CTNNA3: variants seen among roughly 807,000 people sequenced by gnomAD.
CTNNA3 encodes the protein catenin alpha-3.
A neutral mutation model predicts 95.7 loss-of-function variants in CTNNA3; 76 were observed. That is an observed-to-expected ratio of 0.79 (90% CI 0.66 to 0.96). The LOEUF is 0.96. CTNNA3 is among the 40% of genes least tolerant of loss of function. The probability of loss-of-function intolerance (pLI) is 0.00; values close to 1 mark genes in which losing one functional copy is unlikely to be tolerated. For missense variants in CTNNA3, 1,191 were observed against 1,089.8 expected, an observed-to-expected ratio of 1.09 and a Z score of -1.31; for synonymous variants, 431 against 374.4, an observed-to-expected ratio of 1.15 and a Z score of -1.74.
At chr10:67,394,736 T>C (rs927453419) in intron 5 of CTNNA3, among the ~76,000 whole-genome samples, 1 of 152,122 alleles carries the variant, frequency 6.6e-6, no homozygotes, top group Non-Finnish European at 1.5e-5. Flanking sequence ...ACTGTAGTTA[T>C]TCAGGTCATT....
chr10:66,443,477 G>C (rs1280497159), intron 11 of CTNNA3, among the ~76,000 whole-genome samples: 4 of 152,068 alleles, frequency 2.6e-5, no homozygotes, highest in Non-Finnish European at 5.9e-5. Context: ...GGAACGATCA[G>C]GCAGCAGCAT....
At chr10:67,414,467 G>A (rs1469363278) in intron 5 of CTNNA3, among the ~76,000 whole-genome samples, 2 of 152,008 alleles carry the variant, frequency 1.3e-5, no homozygotes, top group Admixed American at 6.6e-5. Flanking sequence ...AAAAAGCCCT[G>A]GACCAAGTGA....
intron 12 of CTNNA3, among the ~76,000 whole-genome samples, chr10:66,356,375 G>A (rs759543796): frequency 7.9e-5 from 12 of 151,466 alleles, no homozygotes; most frequent in African/African-American, 1.2e-4. Flanking sequence ...TTTGACTAGC[G>A]TTTTGTAGTT....
chr10:66,359,721 A>G (rs1417066073), intron 12 of CTNNA3, among the ~76,000 whole-genome samples: 1 of 152,032 alleles, frequency 6.6e-6, no homozygotes, highest in Non-Finnish European at 1.5e-5. Flanking sequence ...TTTTGTCTTT[A>G]TTCATTATTT....
At position 67,152,104 on chromosome 10, in the gene CTNNA3, T is replaced by C. The variant is rs187197118; in HGVS notation, c.1047+28213A>G. Among the ~76,000 whole-genome samples, 41 of 152,278 alleles carry C rather than the reference T, an allele frequency of 2.7e-4. No homozygotes were observed. In the East Asian group the frequency reaches 7.2e-3, roughly 27 times the overall value. On this transcript the variant is annotated intron_variant, in intron 7 of 17. Transcript: ENST00000433211. The stretch of plus-strand genomic sequence containing the variant: ...TTTAGCAGAGGAACCTTTTGAAAAG[T>C]GAAATTGTACACCAAACTCTAACAT...
intron 13 of CTNNA3, among the ~76,000 whole-genome samples, chr10:66,217,545 G>T (rs1414741026): frequency 1.3e-5 from 2 of 152,170 alleles, no homozygotes; most frequent in Non-Finnish European, 1.5e-5. Context: ...AGGACATTTT[G>T]ATTGTTTCCA....
At chr10:67,756,756 T>C (rs1841435763) in intron 1 of CTNNA3, among the ~76,000 whole-genome samples, 1 of 152,180 alleles carries the variant, frequency 6.6e-6, no homozygotes, top group Non-Finnish European at 1.5e-5. Context: ...CTCTGGAATA[T>C]ACATTAGTGA....
chr10:66,305,970 C>T (rs1476068838), intron 12 of CTNNA3, among the ~76,000 whole-genome samples: 1 of 152,154 alleles, frequency 6.6e-6, no homozygotes, highest in Non-Finnish European at 1.5e-5. Flanking sequence ...AGTCACATAG[C>T]GGCTTTTCCT....
chr10:65,958,444 G>A (rs562324941), intron 17 of CTNNA3, among the ~76,000 whole-genome samples: 30 of 152,250 alleles, frequency 2.0e-4, no homozygotes, highest in Admixed American at 7.8e-4. Flanking sequence ...GAGGCGCTGC[G>A]TTCCTTTGTA....
intron 15 of CTNNA3, among the ~76,000 whole-genome samples, chr10:65,998,915 C>T (rs779598945): frequency 5.9e-5 from 9 of 151,998 alleles, no homozygotes; most frequent in Non-Finnish European, 1.3e-4. Context: ...CCCTGTAAGC[C>T]AAGAAAGGCC....
chr10:67,051,292 T>C (rs1046211590), intron 7 of CTNNA3, among the ~76,000 whole-genome samples: 3 of 152,184 alleles, frequency 2.0e-5, no homozygotes, highest in Non-Finnish European at 4.4e-5. Flanking sequence ...CTCTTACACC[T>C]AACCTTAAAT....
intron 1 of CTNNA3, among the ~76,000 whole-genome samples, chr10:67,690,877 T>C (rs1840833366): frequency 6.6e-6 from 1 of 152,100 alleles, no homozygotes; most frequent in Non-Finnish European, 1.5e-5. Flanking sequence ...TCCCTCTCCG[T>C]CTCTGTCTCC....
At chr10:66,237,665 G>A (rs2089921236) in intron 13 of CTNNA3, among the ~76,000 whole-genome samples, 1 of 151,940 alleles carries the variant, frequency 6.6e-6, no homozygotes, top group Admixed American at 6.6e-5. Context: ...ACGTAAGACT[G>A]AGTTCCAACC....
At chr10:67,521,080 G>A (rs1839969206) in intron 5 of CTNNA3, among the ~76,000 whole-genome samples, 1 of 152,128 alleles carries the variant, frequency 6.6e-6, no homozygotes. Flanking sequence ...TGTTCTGATC[G>A]GAATAAACCT....
At chr10:66,300,213 A>T (rs373755661) in intron 12 of CTNNA3, among the ~76,000 whole-genome samples, 93 of 152,250 alleles carry the variant, frequency 6.1e-4, no homozygotes, top group African/African-American at 2.1e-3. Context: ...AAAATTTTTT[A>T]AAATCACCAT....
chr10:67,271,166 A>G (rs1838956654), intron 5 of CTNNA3, among the ~76,000 whole-genome samples: 1 of 152,170 alleles, frequency 6.6e-6, no homozygotes, highest in South Asian at 2.1e-4. Context: ...GATGCCTGTC[A>G]ATCTTTCTTT....
rs987263107 is a variant in CTNNA3, at chr10:66,349,737, G to GT, written c.1732+29414dup. On this transcript the variant is annotated intron_variant, in intron 12 of 17. Transcript: ENST00000433211. ...GACATGTGCAGTAACAAGTTTGAGA[G>GT]TTTTTTTTGTACAAGAATAATGTTG... 8.6e-5 allele frequency among the ~76,000 whole-genome samples: 13 copies of GT among 151,912 alleles called. 1 individual carries two copies. The highest frequency in any genetic ancestry group is 2.1e-4 in the South Asian group (1 of 4,810).
chr10:67,748,896 GACATGTCTTTGC>G (rs891661869), intron 1 of CTNNA3, among the ~76,000 whole-genome samples: 7 of 152,180 alleles, frequency 4.6e-5, no homozygotes, highest in East Asian at 3.9e-4. Flanking sequence ...CTTTGCACAT[GACATGTCTTTGC>G]ACATGTCTTT....
In CTNNA3 at chr10:67,095,744, GACCCATA is replaced by G. The variant is rs546851969; in HGVS notation, c.1047+84566_1047+84572del. Among the ~76,000 whole-genome samples the G allele has an allele frequency of 3.8e-3, 576 of 151,876 alleles. 1 individual carries two copies. The highest frequency in any genetic ancestry group is 0.011 in the African/African-American group (454 of 41,498). ...AGTATATAAAATCCTACAGATATAT[GACCCATA>G]ACACATTACAGAGCACTGATTTCCC... On this transcript the variant is annotated intron_variant, in intron 7 of 17. Coordinates refer to ENST00000433211, the MANE Select transcript of CTNNA3 (RefSeq NM_013266.4).
Sources: gnomAD v4.1 joint callset for allele counts (sites outside exome capture counted in the v4.1 genomes callset) on GRCh38, gnomAD v4.1.1 for gene constraint, MANE v1.5 for transcripts, NCBI Gene and HGNC (gene_info 2026-07-23, HGNC 2026-07-21) for gene names.